MARCHF1: variants seen among roughly 807,000 people sequenced by gnomAD.
MARCHF1 encodes membrane associated ring-CH-type finger 1.
In MARCHF1, 40 loss-of-function variants were observed where a neutral mutation model predicts 54.2. The ratio of observed to expected loss-of-function variants is 0.74; its 90% CI spans 0.57 to 0.96. The LOEUF is 0.96. MARCHF1 is among the 40% of genes least tolerant of loss of function. The pLI is 0.00. For missense variants in MARCHF1, 586 were observed against 656.5 expected (o/e 0.89, Z 1.17); for synonymous variants, 236 against 236.3 (o/e 1.00, Z 0.01).
chr4:164,264,450 T>C (rs1733551994), intron 1 of MARCHF1, among the ~76,000 whole-genome samples: 1 of 151,328 alleles, frequency 6.6e-6, no homozygotes, highest in South Asian at 2.1e-4. Flanking sequence ...AGTTTACCTA[T>C]GTAACAAATG....
At chr4:164,262,107 GA>G (rs1184867700) in intron 1 of MARCHF1, among the ~76,000 whole-genome samples, 1,005 of 72,258 alleles carry the variant, frequency 0.014, 9 homozygotes, top group African/African-American at 0.028. Flanking sequence ...CCTATCTTAA[GA>G]AAAAAAAAAA....
At chr4:164,147,143 A>G (rs543250787) in intron 1 of MARCHF1, among the ~76,000 whole-genome samples, 1 of 152,236 alleles carries the variant, frequency 6.6e-6, no homozygotes, top group Non-Finnish European at 1.5e-5. Flanking sequence ...CACACCAGTT[A>G]GAATGACAAT....
chr4:163,605,678 T>C (rs1741118023), intron 7 of MARCHF1, among the ~76,000 whole-genome samples: 1 of 152,122 alleles, frequency 6.6e-6, no homozygotes, highest in African/African-American at 2.4e-5. Context: ...AATGAGAGAC[T>C]GGATAAGGAA....
intron 2 of MARCHF1, among the ~76,000 whole-genome samples, chr4:164,023,462 C>T (rs148482165): frequency 3.9e-5 from 6 of 152,138 alleles, no homozygotes; most frequent in African/African-American, 1.4e-4. Flanking sequence ...AACTACAGTG[C>T]TAAAAATATT....
rs558623553 is a variant in MARCHF1 at position 164,334,574 on chromosome 4, A to T, written c.-323+49296T>A. The stretch of plus-strand genomic sequence containing the variant: ...TTGCTGCTCATTGACAATGCACCCG[A>T]TCACCAAGAACTCTGATGGAGATGT... On this transcript the variant is annotated intron_variant, in intron 1 of 9. Transcript: ENST00000514618. 4.6e-5 allele frequency among the ~76,000 whole-genome samples: 7 copies of T among 152,256 alleles called. No homozygotes were observed. The South Asian group carries it at 1.5e-3, about 32-fold the overall frequency.
rs562968375 is a variant in MARCHF1 at position 164,238,924 on chromosome 4, T to C, written c.-322-127262A>G. ...AATATACTTGACTTTATTTGGATAA[T>C]TGGAGACCCTGATAAGGAAACCTGA... On this transcript the variant is annotated intron_variant, in intron 1 of 9. Coordinates refer to ENST00000514618, the MANE Select transcript of MARCHF1 (RefSeq NM_001394959.1). Among the ~76,000 whole-genome samples the C allele has an allele frequency of 6.6e-5, 10 of 152,160 alleles. No homozygotes were observed. In the South Asian group the frequency reaches 1.9e-3, roughly 28 times the overall value.
chr4:164,076,921 G>A (rs1754993453), intron 2 of MARCHF1, among the ~76,000 whole-genome samples: 1 of 152,146 alleles, frequency 6.6e-6, no homozygotes, highest in African/African-American at 2.4e-5. Context: ...CTCATGGATA[G>A]GAAGAATCAG....
intron 1 of MARCHF1, among the ~76,000 whole-genome samples, chr4:164,173,449 G>A (rs1327264538): frequency 1.3e-5 from 2 of 152,188 alleles, no homozygotes; most frequent in Non-Finnish European, 2.9e-5. Context: ...CAAATTGTTA[G>A]ATTAAAATAA....
At chr4:163,705,529 G>C (rs1454301145) in intron 4 of MARCHF1, among the ~76,000 whole-genome samples, 1 of 151,838 alleles carries the variant, frequency 6.6e-6, no homozygotes, top group Non-Finnish European at 1.5e-5. Context: ...AAAAACTCAG[G>C]ACACCTGTCA....
At chr4:163,857,015 A>AAAATAAAT (rs34410156) in intron 3 of MARCHF1, among the ~76,000 whole-genome samples, 7,812 of 131,406 alleles carry the variant, frequency 0.059, 281 homozygotes, top group Middle Eastern at 0.094. Flanking sequence ...TTTGTCTCGA[A>AAAATAAAT]AAATAAATAA....
chr4:163,804,754 G>T (rs1000323549), intron 4 of MARCHF1, among the ~76,000 whole-genome samples: 1 of 152,158 alleles, frequency 6.6e-6, no homozygotes, highest in Admixed American at 6.6e-5. Context: ...ACTAGTGGGT[G>T]CATTAAAACC....
intron 1 of MARCHF1, among the ~76,000 whole-genome samples, chr4:164,262,061 C>T (rs1271236320): frequency 6.8e-6 from 1 of 147,580 alleles, no homozygotes; most frequent in East Asian, 2.0e-4. Context: ...GTCATGTCTG[C>T]ACCACTGCAC....
At chr4:164,041,432 T>C (rs1234221850) in intron 2 of MARCHF1, among the ~76,000 whole-genome samples, 1 of 152,192 alleles carries the variant, frequency 6.6e-6, no homozygotes, top group African/African-American at 2.4e-5. Flanking sequence ...ATTCATGCCT[T>C]CCTCATTAAT....
intron 4 of MARCHF1, among the ~76,000 whole-genome samples, chr4:163,719,179 C>G (rs190700841): frequency 3.3e-4 from 49 of 150,404 alleles, no homozygotes; most frequent in African/African-American, 1.1e-3. Context: ...TTCCCTCCCC[C>G]CTCCCCCAAC....
intron 1 of MARCHF1, among the ~76,000 whole-genome samples, chr4:164,137,792 C>T (rs1205350158): frequency 6.6e-6 from 1 of 151,952 alleles, no homozygotes; most frequent in African/African-American, 2.4e-5. Context: ...TATGATAGAA[C>T]TAAAATCTTT....
At chr4:164,010,317 T>C (rs1008328790) in intron 2 of MARCHF1, among the ~76,000 whole-genome samples, 2 of 151,734 alleles carry the variant, frequency 1.3e-5, no homozygotes, top group Admixed American at 1.3e-4. Flanking sequence ...CAGGATGGTC[T>C]CAATCTCTTG....
chr4:163,582,965 C>T (rs1258181037), intron 8 of MARCHF1, among the ~76,000 whole-genome samples: 5 of 152,096 alleles, frequency 3.3e-5, no homozygotes, highest in Admixed American at 2.0e-4. Context: ...GAAAGTGAGA[C>T]GTTGGAATAC....
chr4:164,313,710 C>A (rs1469422634), intron 1 of MARCHF1, among the ~76,000 whole-genome samples: 1 of 152,124 alleles, frequency 6.6e-6, no homozygotes, highest in African/African-American at 2.4e-5. Flanking sequence ...AATGCATCAT[C>A]TTCCCAAAAT....
intron 3 of MARCHF1, among the ~76,000 whole-genome samples, chr4:163,916,216 T>C (rs966115321): frequency 6.6e-6 from 1 of 152,176 alleles, no homozygotes; most frequent in Non-Finnish European, 1.5e-5. Flanking sequence ...AACAATCACC[T>C]TTGTGATATA....
Sources: allele counts gnomAD v4.1 joint callset (sites outside exome capture counted in the v4.1 genomes callset), GRCh38; gene constraint gnomAD v4.1.1; transcripts MANE v1.5; gene names NCBI Gene and HGNC (gene_info 2026-07-23, HGNC 2026-07-21).